Variants in SEMA6D observed in about 807,000 individuals in gnomAD.
SEMA6D encodes the protein semaphorin-6D.
Under a neutral mutation model 106.6 loss-of-function variants are expected in SEMA6D, and 35 were observed. The ratio of observed to expected loss-of-function variants is 0.33; its 90% CI spans 0.25 to 0.44. The LOEUF (loss-of-function observed/expected upper bound fraction) is 0.44. Among genes scored for constraint, SEMA6D ranks in the 20% least tolerant of loss-of-function variants. The pLI is 1.00. For synonymous variants in SEMA6D, 499 were observed against 487.7 expected, an observed-to-expected ratio of 1.02 and a Z score of -0.31; for missense variants, 1,185 against 1,345.9, an observed-to-expected ratio of 0.88 and a Z score of 1.87.
At position 47,468,268 on chromosome 15, in the gene SEMA6D, T is replaced by C. The variant is rs73388908; in HGVS notation, c.-158-2206T>C. The stretch of plus-strand genomic sequence containing the variant: ...CTGAAAGTGATTTCCATTATTGGCA[T>C]TTTCTCATGATAGCAGAATTTATCC... On this transcript the variant is annotated intron_variant, in intron 2 of 19. Transcript: ENST00000558014. Among the ~76,000 whole-genome samples, 1,273 of 152,274 alleles carry C rather than the reference T, an allele frequency of 8.4e-3. 21 individuals carry two copies. Among genetic ancestry groups the C allele is most frequent in the African/African-American group, 0.03 (1,226 of 41,556 alleles).
At chr15:47,518,789 A>C (rs1409538363) in intron 3 of SEMA6D, among the ~76,000 whole-genome samples, 1 of 152,164 alleles carries the variant, frequency 6.6e-6, no homozygotes, top group Non-Finnish European at 1.5e-5. Context: ...TCCCACTGGA[A>C]AGCCTTCAGG....
intron 1 of SEMA6D, among the ~76,000 whole-genome samples, chr15:47,230,843 A>G (rs1435447207): frequency 2.0e-5 from 3 of 152,058 alleles, no homozygotes; most frequent in Non-Finnish European, 2.9e-5. Context: ...TGGGAGAACC[A>G]ATGGTTCCCT....
intron 2 of SEMA6D, among the ~76,000 whole-genome samples, chr15:47,448,552 A>G (rs1055197790): frequency 4.6e-5 from 7 of 152,114 alleles, no homozygotes; most frequent in Non-Finnish European, 1.0e-4. Context: ...TGTCCAATAA[A>G]TGGTTGGATG....
chr15:47,521,904 A>G (rs1596230607), intron 3 of SEMA6D, among the ~76,000 whole-genome samples: 3 of 152,088 alleles, frequency 2.0e-5, no homozygotes, highest in East Asian at 3.9e-4. Flanking sequence ...AGAATGGTGT[A>G]AACCTGGGAG....
At chr15:47,737,717 A>G (rs2146920244) in intron 1 of SEMA6D, among the ~76,000 whole-genome samples, 1 of 152,310 alleles carries the variant, frequency 6.6e-6, no homozygotes, top group Admixed American at 6.5e-5. Flanking sequence ...TTTGTTCACC[A>G]TTATAAAATA....
At chr15:47,766,278 T>C (rs2082332844) in intron 15 of SEMA6D, 96 bp downstream of exon 15, 8 of 971,744 alleles carry the variant, frequency 8.2e-6, no homozygotes, top group Non-Finnish European at 1.2e-5. Flanking sequence ...ACTACTTTTC[T>C]TTTTTTTTGT....
intron 3 of SEMA6D, among the ~76,000 whole-genome samples, chr15:47,595,945 A>T (rs1291322549): frequency 6.6e-6 from 1 of 152,104 alleles, no homozygotes; most frequent in Non-Finnish European, 1.5e-5. Context: ...TCCTTGCCAG[A>T]GTAATTAAGC....
intron 2 of SEMA6D, among the ~76,000 whole-genome samples, chr15:47,443,504 T>G (rs1441087974): frequency 6.6e-6 from 1 of 152,066 alleles, no homozygotes; most frequent in African/African-American, 2.4e-5. Context: ...TCCCAGATGT[T>G]CTCACACCTG....
chr15:47,448,394 G>A (rs367710621), intron 2 of SEMA6D, among the ~76,000 whole-genome samples: 4 of 152,038 alleles, frequency 2.6e-5, no homozygotes, highest in East Asian at 1.9e-4. Context: ...TTTGTGGCAC[G>A]GCCTCAGTCA....
intron 1 of SEMA6D, among the ~76,000 whole-genome samples, chr15:47,375,781 G>T (rs1234263348): frequency 6.6e-6 from 1 of 152,126 alleles, no homozygotes; most frequent in African/African-American, 2.4e-5. Context: ...AATTGTGTAG[G>T]TTGGAATTTT....
chr15:47,430,127 G>A (rs1409254549), intron 2 of SEMA6D, among the ~76,000 whole-genome samples: 1 of 152,100 alleles, frequency 6.6e-6, no homozygotes, highest in African/African-American at 2.4e-5. Flanking sequence ...CAGTATGCCA[G>A]CCACTCTTGG....
intron 9 of SEMA6D, among the ~76,000 whole-genome samples, 193 bp downstream of exon 9, chr15:47,763,297 G>A (rs1460614036): frequency 1.3e-5 from 2 of 152,114 alleles, no homozygotes; most frequent in Non-Finnish European, 2.9e-5. Flanking sequence ...ACCTGAGTGG[G>A]AACAGCAGCC....
chr15:47,729,751 C>T (rs1294286045), intron 1 of SEMA6D, among the ~76,000 whole-genome samples: 2 of 152,232 alleles, frequency 1.3e-5, no homozygotes, highest in Non-Finnish European at 2.9e-5. Flanking sequence ...ACCCATCTCT[C>T]CCGCTCTTCT....
intron 4 of SEMA6D, among the ~76,000 whole-genome samples, chr15:47,687,562 A>G (rs2078495937): frequency 6.6e-6 from 1 of 152,240 alleles, no homozygotes; most frequent in Non-Finnish European, 1.5e-5. Flanking sequence ...CTTAAGCCAT[A>G]TTAAACGATT....
At chr15:47,436,132 G>A (rs1298732687) in intron 2 of SEMA6D, among the ~76,000 whole-genome samples, 3 of 152,134 alleles carry the variant, frequency 2.0e-5, no homozygotes, top group African/African-American at 4.8e-5. Context: ...GCTCATGCCT[G>A]TAATTCCAAA....
chr15:47,740,602 T>C (rs954467036), intron 1 of SEMA6D, among the ~76,000 whole-genome samples: 1 of 152,138 alleles, frequency 6.6e-6, no homozygotes, highest in Non-Finnish European at 1.5e-5. Context: ...TTCTCTCATA[T>C]CCACTCTGCC....
intron 1 of SEMA6D, among the ~76,000 whole-genome samples, chr15:47,237,721 C>T (rs1252861748): frequency 1.3e-5 from 2 of 151,930 alleles, no homozygotes; most frequent in Non-Finnish European, 2.9e-5. Context: ...CTCTACACCC[C>T]CTTTTAACTA....
chr15:47,556,985 A>C (rs1435352904), intron 3 of SEMA6D, among the ~76,000 whole-genome samples: 1 of 152,214 alleles, frequency 6.6e-6, no homozygotes, highest in African/African-American at 2.4e-5. Context: ...TAAAATGTAC[A>C]TAACAATGCC....
At chr15:47,440,255 T>C (rs2041841792) in intron 2 of SEMA6D, among the ~76,000 whole-genome samples, 1 of 151,996 alleles carries the variant, frequency 6.6e-6, no homozygotes, top group African/African-American at 2.4e-5. Context: ...AAAAGATGGC[T>C]TCCATGAGTT....
Sources: allele counts gnomAD v4.1 joint callset (sites outside exome capture counted in the v4.1 genomes callset), GRCh38; gene constraint gnomAD v4.1.1; transcripts MANE v1.5; gene names NCBI Gene and HGNC (gene_info 2026-07-23, HGNC 2026-07-21).